MPP2: variants seen among roughly 807,000 people sequenced by gnomAD.
MPP2 encodes MAGUK p55 scaffold protein 2, also known as MAGUK p55 subfamily member 2.
A neutral mutation model predicts 58.5 loss-of-function variants in MPP2; 42 were observed. The ratio of observed to expected loss-of-function variants is 0.72; its 90% CI spans 0.56 to 0.93. MPP2 has a LOEUF of 0.93. MPP2 is among the 40% of genes least tolerant of loss of function. MPP2 has a pLI of 0.00. For missense variants in MPP2, 632 were observed against 760.4 expected (o/e 0.83, Z 1.99); for synonymous variants, 300 against 307.8 (o/e 0.97, Z 0.26).
Position 43,898,983 on chromosome 17 carries a change from C to T in MPP2, c.32-603G>A, listed in dbSNP as rs537472665. 4.0e-5 allele frequency among the ~76,000 whole-genome samples: 6 copies of T among 151,332 alleles called. No individual in the cohort carries two copies. In the South Asian group the frequency reaches 8.4e-4, roughly 21 times the overall value. ...GTCTCTGGCCGGGCGCGGTGGCTCA[C>T]GCCTGTAATCCCAGCACTTTGGGAG... On this transcript the variant is annotated intron_variant, in intron 2 of 12. Coordinates refer to ENST00000269095, the MANE Select transcript of MPP2 (RefSeq NM_005374.5).
In MPP2 at chr17:43,907,453, C is replaced by G. The variant is rs1266245220; in HGVS notation, c.-34+21G>C. On this transcript the variant is annotated intron_variant, in intron 1 of 12. Transcript: ENST00000269095. ...GGAGGTCTTGGGATAGGAGCTGGCCCGGGGGCCGGGGGACGCCTACCTGCG... is the reference window on the plus strand; with the variant it reads ...GGAGGTCTTGGGATAGGAGCTGGCCGGGGGGCCGGGGGACGCCTACCTGCG... The G allele has an allele frequency of 7.1e-6, 7 of 985,448 alleles. No individual in the cohort carries two copies. The African/African-American group carries it at 1.2e-4, about 17-fold the overall frequency. The allele number at this position is 985,448 out of a possible 1,614,324, so 61.0% of individuals were successfully genotyped here.
chr17:43,890,193 G>A (rs185560453), intron 3 of MPP2, among the ~76,000 whole-genome samples: 3 of 152,190 alleles, frequency 2.0e-5, no homozygotes, highest in Admixed American at 2.0e-4. Flanking sequence ...TTAACATTAA[G>A]TGAACAATTA....
In MPP2 at chr17:43,881,517, G is replaced by A. The variant is rs201198920; in HGVS notation, c.754C>T (p.Arg252Cys). The change falls in exon 7 of 13, where the codon CGC becomes TGC. Residue 252 changes from arginine to cysteine, a missense_variant. Transcript: ENST00000269095. ...SLIPCKEAGL[R>C]FNAGDLLQIV... ...TGGAGCAAGTCCCCGGCGTTGAAGC[G>A]CAGGCCTGCTTCCTTGCAGGGGATG... 2.4e-5 allele frequency: 38 copies of A among 1,614,138 alleles called. No homozygotes were observed. The highest frequency in any genetic ancestry group is 2.8e-5 in the Non-Finnish European group (33 of 1,180,014).
chr17:43,902,081 G>T (rs1360774826), intron 2 of MPP2, among the ~76,000 whole-genome samples: 1 of 152,182 alleles, frequency 6.6e-6, no homozygotes, highest in Non-Finnish European at 1.5e-5. Flanking sequence ...TCCACCATTA[G>T]ATTTTTGAAG....
In MPP2 at chr17:43,882,976, G is replaced by A. The variant is rs577270830; in HGVS notation, c.380C>T (p.Thr127Ile). The change falls in exon 5 of 13, where the codon ACA becomes ATA. Residue 127 changes from threonine to isoleucine, a missense_variant. Coordinates refer to ENST00000269095, the MANE Select transcript of MPP2 (RefSeq NM_005374.5). ...GGGAGGTACAGGCTGGTTGCTGAAT[G>A]TAGGGTCCAGGCCAGGGCTGGGGGG... ...TPPPSPGLDP[T>I]FSNQPVPPDA... The A allele has an allele frequency of 2.4e-5, 39 of 1,614,108 alleles. No homozygotes were observed. The African/African-American group carries it at 2.8e-4, about 12-fold the overall frequency.
chr17:43,894,418 A>T (rs1287423885), intron 3 of MPP2, among the ~76,000 whole-genome samples: 9 of 77,396 alleles, frequency 1.2e-4, no homozygotes, highest in African/African-American at 2.2e-4. Context: ...TCCATCTCAA[A>T]ATATATATAT....
At chr17:43,889,157 C>T (rs1372657365) in intron 3 of MPP2, among the ~76,000 whole-genome samples, 1 of 152,084 alleles carries the variant, frequency 6.6e-6, no homozygotes, top group African/African-American at 2.4e-5. Flanking sequence ...AACTCCTGAG[C>T]TCAGGTGATC....
intron 3 of MPP2, among the ~76,000 whole-genome samples, chr17:43,894,126 A>T (rs2047719811): frequency 6.6e-6 from 1 of 150,688 alleles, no homozygotes; most frequent in Non-Finnish European, 1.5e-5. Context: ...AAAAAAAAAA[A>T]ATACAAAAAT....
intron 3 of MPP2, among the ~76,000 whole-genome samples, chr17:43,896,245 C>T (rs1470136023): frequency 2.0e-5 from 3 of 152,070 alleles, no homozygotes; most frequent in Non-Finnish European, 2.9e-5. Flanking sequence ...CCCACCCTGA[C>T]GCCTGCCATA....
At chr17:43,883,138 C>G in intron 4 of MPP2, 65 bp downstream of exon 4, 1 of 1,555,826 alleles carries the variant, frequency 6.4e-7, no homozygotes, top group East Asian at 2.4e-5. Flanking sequence ...CTGGCCCATC[C>G]AACAGCAGCA....
intron 12 of MPP2, among the ~76,000 whole-genome samples, chr17:43,878,282 T>C (rs1223266446): frequency 2.0e-5 from 3 of 152,226 alleles, no homozygotes; most frequent in Non-Finnish European, 4.4e-5. Context: ...TTCCCATTTA[T>C]AGCAGAGAAA....
At position 43,877,641 on chromosome 17, in the gene MPP2, G is replaced by A. The variant is rs1466495549; in HGVS notation, c.*166C>T. On this transcript the variant is annotated 3_prime_UTR_variant, in exon 13 of 13. Transcript: ENST00000269095. ...CATGAATGCCCACCTCCCTGGCAGTGCACGCCTCTGTGCTGAAGCCAGACT... is the reference window on the plus strand; with the variant it reads ...CATGAATGCCCACCTCCCTGGCAGTACACGCCTCTGTGCTGAAGCCAGACT... The A allele has an allele frequency of 1.0e-5, 7 of 671,376 alleles. No individual in the cohort carries two copies. Among genetic ancestry groups the A allele is most frequent in the Non-Finnish European group, 1.8e-5 (7 of 380,152 alleles). 41.6% of individuals were successfully genotyped at this position (671,376 alleles called of 1,614,324 possible). A position where few individuals can be genotyped will look rare whatever the true frequency, so the allele number is the denominator to read the frequency against.
chr17:43,891,713 C>T (rs990631711), intron 3 of MPP2, among the ~76,000 whole-genome samples: 5 of 152,030 alleles, frequency 3.3e-5, no homozygotes, highest in African/African-American at 7.2e-5. Flanking sequence ...CTGGGCAACA[C>T]GGTGAGACCT....
At chr17:43,907,785 C>T (rs555332340), upstream of MPP2, 2 of 985,450 alleles carry the variant, frequency 2.0e-6, no homozygotes, top group Middle Eastern at 5.2e-4. Flanking sequence ...CCGCTGGTGC[C>T]CCTCGGCTCC....
rs529781422 is a variant in MPP2, at chr17:43,886,062, C to T, written c.151-2707G>A. 6.6e-5 allele frequency among the ~76,000 whole-genome samples: 10 copies of T among 151,520 alleles called. No individual in the cohort carries two copies. The East Asian group carries it at 1.4e-3, about 21-fold the overall frequency. The stretch of plus-strand genomic sequence containing the variant: ...GGCAGAGGTTGCAAGGAGCTGAGAT[C>T]GCGCCACTGCCCTCCAGCCTGGGCA... On this transcript the variant is annotated intron_variant, in intron 3 of 12. Coordinates refer to ENST00000269095, the MANE Select transcript of MPP2 (RefSeq NM_005374.5).
At chr17:43,898,124 TTTC>T in intron 3 of MPP2, 135 bp downstream of exon 3, 1 of 706,032 alleles carries the variant, frequency 1.4e-6, no homozygotes, top group Non-Finnish European at 2.5e-6. Context: ...TGGGCATGAT[TTTC>T]TTCTACAATC....
At chr17:43,882,684 G>C (rs1000596673) in intron 5 of MPP2, among the ~76,000 whole-genome samples, 173 bp from the exon 6 acceptor site, 1 of 151,402 alleles carries the variant, frequency 6.6e-6, no homozygotes, top group Non-Finnish European at 1.5e-5. Context: ...CTAATGAGGG[G>C]AGAGGTGGGC....
chr17:43,899,418 G>A (rs2047994418), intron 2 of MPP2, among the ~76,000 whole-genome samples: 1 of 152,174 alleles, frequency 6.6e-6, no homozygotes, highest in African/African-American at 2.4e-5. Context: ...AGCCACACAG[G>A]AGCCAGGGCC....
intron 2 of MPP2, among the ~76,000 whole-genome samples, chr17:43,901,973 G>C (rs764985207): frequency 1.6e-4 from 24 of 152,158 alleles, no homozygotes; most frequent in Non-Finnish European, 2.9e-5. Flanking sequence ...TCTCCCAGGG[G>C]AGGAGGAGGG....
Sources: allele counts gnomAD v4.1 joint callset (sites outside exome capture counted in the v4.1 genomes callset), GRCh38; gene constraint gnomAD v4.1.1; transcripts MANE v1.5; gene names NCBI Gene and HGNC (gene_info 2026-07-23, HGNC 2026-07-21).